ANXA13: variants seen among roughly 807,000 people sequenced by gnomAD.
ANXA13 encodes the protein annexin A13.
Under a neutral mutation model 46.6 loss-of-function variants are expected in ANXA13, and 36 were observed. The observed-to-expected ratio is 0.77, with a 90% CI of 0.59 to 1.02. The LOEUF is 1.02. Ranked by LOEUF, ANXA13 falls within the 50% of genes least tolerant of loss-of-function variation. ANXA13 has a pLI of 0.00. For synonymous variants in ANXA13, 163 were observed against 152.9 expected (o/e 1.07, Z -0.49); for missense variants, 417 against 396.5 (o/e 1.05, Z -0.44).
At chr8:123,736,837 AT>A (rs1563623488) in intron 1 of ANXA13, among the ~76,000 whole-genome samples, 1 of 139,252 alleles carries the variant, frequency 7.2e-6, no homozygotes, top group African/African-American at 2.7e-5. Context: ...GGAATAATAT[AT>A]CCCCAGTGCT....
At chr8:123,682,295 A>G (rs961079782) in intron 10 of ANXA13, among the ~76,000 whole-genome samples, 1 of 152,222 alleles carries the variant, frequency 6.6e-6, no homozygotes, top group African/African-American at 2.4e-5. Context: ...GAGAAAAATA[A>G]ATCCAAAGAT....
At chr8:123,694,768 CTG>C (rs1397767515) in intron 6 of ANXA13, among the ~76,000 whole-genome samples, 1 of 152,186 alleles carries the variant, frequency 6.6e-6, no homozygotes, top group Non-Finnish European at 1.5e-5. Context: ...CCCATGGAAA[CTG>C]TGAGATGATA....
intron 1 of ANXA13, among the ~76,000 whole-genome samples, chr8:123,719,118 A>G (rs1813812601): frequency 6.6e-6 from 1 of 152,246 alleles, no homozygotes; most frequent in African/African-American, 2.4e-5. Context: ...AGTATTATAT[A>G]GTAACCAGCA....
At chr8:123,696,558 ACCC>A (rs386729507) in intron 4 of ANXA13, among the ~76,000 whole-genome samples, 3 of 23,990 alleles carry the variant, frequency 1.3e-4, no homozygotes, top group Non-Finnish European at 6.6e-4. Context: ...CTGCTCCCCC[ACCC>A]CCCCCACCAC....
At chr8:123,693,859 T>C (rs566392774) in intron 6 of ANXA13, 80 bp from the exon 7 acceptor site, 1 of 1,315,222 alleles carries the variant, frequency 7.6e-7, no homozygotes, top group South Asian at 1.2e-5. Context: ...AACAAAGTCC[T>C]GGAGAAAGAG....
intron 3 of ANXA13, 78 bp from the exon 4 acceptor site, chr8:123,698,637 T>C: frequency 6.9e-7 from 1 of 1,445,234 alleles, no homozygotes; most frequent in Non-Finnish European, 9.6e-7. Flanking sequence ...CTATTGCAAG[T>C]GCTCATAGTT....
At chr8:123,696,873 G>A (rs567566958) in intron 4 of ANXA13, among the ~76,000 whole-genome samples, 2 of 152,230 alleles carry the variant, frequency 1.3e-5, no homozygotes, top group South Asian at 4.2e-4. Context: ...CTAGGCTGAG[G>A]GAGAAAAAGC....
chr8:123,737,044 A>G (rs776063386), intron 1 of ANXA13, among the ~76,000 whole-genome samples: 4 of 150,070 alleles, frequency 2.7e-5, no homozygotes, highest in Non-Finnish European at 4.4e-5. Flanking sequence ...TTTTTTTAGT[A>G]GAGACAGTGT....
intron 1 of ANXA13, among the ~76,000 whole-genome samples, chr8:123,725,257 T>C (rs1443515947): frequency 6.6e-6 from 1 of 152,218 alleles, no homozygotes; most frequent in Non-Finnish European, 1.5e-5. Flanking sequence ...AGGTAACCCA[T>C]ATATTTGGCA....
At chr8:123,733,562 C>G (rs1053680365) in intron 1 of ANXA13, among the ~76,000 whole-genome samples, 6 of 152,202 alleles carry the variant, frequency 3.9e-5, no homozygotes, top group Admixed American at 3.3e-4. Context: ...AATATTGGCA[C>G]AAGCAAGTCA....
chr8:123,693,170 CTT>C, intron 8 of ANXA13, 25 bp downstream of exon 8: 1 of 1,596,488 alleles, frequency 6.3e-7, no homozygotes, highest in Non-Finnish European at 8.6e-7. Flanking sequence ...AGAGTGAACT[CTT>C]TTGCCCCAAT....
intron 1 of ANXA13, among the ~76,000 whole-genome samples, chr8:123,736,572 A>G (rs947341223): frequency 7.9e-5 from 12 of 152,236 alleles, no homozygotes; most frequent in African/African-American, 2.4e-5. Context: ...TTCACCTTGC[A>G]ATCCAAGTTG....
At chr8:123,684,561 G>A (rs1813100864) in intron 10 of ANXA13, 49 bp downstream of exon 10, 1 of 1,306,294 alleles carries the variant, frequency 7.7e-7, no homozygotes, top group African/African-American at 1.5e-5. Flanking sequence ...ATCAGTGGTG[G>A]AAAAAAGAGA....
chr8:123,691,580 G>C (rs1813243668), intron 8 of ANXA13, among the ~76,000 whole-genome samples: 1 of 152,130 alleles, frequency 6.6e-6, no homozygotes, highest in Admixed American at 6.5e-5. Context: ...CTATGAAGTA[G>C]GTACTATTAT....
chr8:123,697,824 T>A (rs1813370444), intron 4 of ANXA13, among the ~76,000 whole-genome samples: 1 of 152,220 alleles, frequency 6.6e-6, no homozygotes, highest in African/African-American at 2.4e-5. Context: ...CCATGGGGCC[T>A]CAACAAATGC....
intron 1 of ANXA13, among the ~76,000 whole-genome samples, chr8:123,733,956 T>C (rs1202078919): frequency 6.6e-6 from 1 of 152,228 alleles, no homozygotes; most frequent in African/African-American, 2.4e-5. Context: ...TTGAAGAGTC[T>C]GTTAAAATGC....
intron 1 of ANXA13, among the ~76,000 whole-genome samples, chr8:123,715,048 T>C (rs1813736029): frequency 6.6e-6 from 1 of 152,142 alleles, no homozygotes; most frequent in Admixed American, 6.5e-5. Flanking sequence ...GACTCTGGAG[T>C]TGCAGAATGA....
At chr8:123,694,434 G>C (rs889049088) in intron 6 of ANXA13, among the ~76,000 whole-genome samples, 1 of 152,218 alleles carries the variant, frequency 6.6e-6, no homozygotes, top group Non-Finnish European at 1.5e-5. Flanking sequence ...AGAAGTCAGA[G>C]AGATGAGCTG....
intron 8 of ANXA13, among the ~76,000 whole-genome samples, chr8:123,689,714 C>T (rs180887217): frequency 1.9e-3 from 282 of 152,244 alleles, no homozygotes; most frequent in Non-Finnish European, 3.4e-3. Flanking sequence ...AAATACTGCC[C>T]GGGCCAAGCT....
Sources: gnomAD v4.1 joint callset for allele counts (sites outside exome capture counted in the v4.1 genomes callset) on GRCh38, gnomAD v4.1.1 for gene constraint, MANE v1.5 for transcripts, NCBI Gene and HGNC (gene_info 2026-07-23, HGNC 2026-07-21) for gene names.